PXMP4: variants seen among roughly 807,000 people sequenced by gnomAD.
PXMP4 encodes peroxisomal membrane protein 4.
In PXMP4, 16 loss-of-function variants were observed where a neutral mutation model predicts 21.6. The observed-to-expected ratio is 0.74, with a 90% CI of 0.50 to 1.13. PXMP4 has a LOEUF of 1.13. Ranked by LOEUF, PXMP4 falls within the 50% of genes most tolerant of loss-of-function variation. The pLI, the probability that PXMP4 is intolerant of heterozygous loss-of-function variation, is 0.00. For synonymous variants in PXMP4, 127 were observed against 123.8 expected (o/e 1.03, Z -0.17); for missense variants, 240 against 277.7 (o/e 0.86, Z 0.96).
chr20:33,719,806 A>T (rs1303263173), intron 1 of PXMP4, among the ~76,000 whole-genome samples: 1 of 152,170 alleles, frequency 6.6e-6, no homozygotes, highest in Non-Finnish European at 1.5e-5. Context: ...GGTGAACTGA[A>T]CCCAAATGAG....
chr20:33,714,515 TCAACAACAACAACAA>T (rs3838023), intron 2 of PXMP4, among the ~76,000 whole-genome samples, 144 bp downstream of exon 2: 2 of 150,658 alleles, frequency 1.3e-5, no homozygotes, highest in African/African-American at 4.9e-5. Context: ...AGACTCCATC[TCAACAACAACAACAA>T]CAACAACAAC....
At chr20:33,712,403 C>T (rs2018336955) in intron 2 of PXMP4, among the ~76,000 whole-genome samples, 2 of 152,124 alleles carry the variant, frequency 1.3e-5, no homozygotes, top group South Asian at 4.1e-4. Context: ...CTTGGGTGGC[C>T]CTGCTCCCCT....
In PXMP4 at chr20:33,707,448, G is replaced by A. The variant is rs1298057837; in HGVS notation, c.*258C>T. The A allele has an allele frequency of 1.4e-5, 7 of 486,720 alleles. No homozygotes were observed. Among genetic ancestry groups the A allele is most frequent in the Non-Finnish European group, 2.2e-5 (6 of 271,996 alleles). 30.2% of individuals were successfully genotyped at this position (486,720 alleles called of 1,614,324 possible). A position where few individuals can be genotyped will look rare whatever the true frequency, so the allele number is the denominator to read the frequency against. On this transcript the variant is annotated 3_prime_UTR_variant, in exon 4 of 4. Transcript: ENST00000409299. ...TGACCCCTGAGGCCTAGAGAGTAGTGTGGCTGGCCCCAGTCTCACAGAAGT... is the reference window on the plus strand; with the variant it reads ...TGACCCCTGAGGCCTAGAGAGTAGTATGGCTGGCCCCAGTCTCACAGAAGT...
At position 33,707,683 on chromosome 20, in the gene PXMP4, C is replaced by T. The variant is rs2018272662; in HGVS notation, c.*23G>A. On this transcript the variant is annotated 3_prime_UTR_variant, in exon 4 of 4. Transcript: ENST00000409299. Reference sequence around the variant, plus strand: ...CTGCATGGGGCCAAATCTTGAGCCACAGCCAGACACCTCAGGGCTGCATTA... The same window carrying T: ...CTGCATGGGGCCAAATCTTGAGCCATAGCCAGACACCTCAGGGCTGCATTA... 1 of 1,606,926 alleles carries T rather than the reference C, an allele frequency of 6.2e-7. No individual in the cohort carries two copies. The highest frequency in any genetic ancestry group is 1.3e-5 in the African/African-American group (1 of 74,780).
In PXMP4 at chr20:33,719,183, A is replaced by G. The variant is rs1033375951; in HGVS notation, c.113+912T>C. ...AGTGCTAGGATTACAGGTGTGAGCC[A>G]CCGTGGCCAGCCTGTGCTAAGCATT... On this transcript the variant is annotated intron_variant, in intron 1 of 3. Transcript: ENST00000409299. Among the ~76,000 whole-genome samples the G allele has an allele frequency of 2.6e-5, 4 of 152,242 alleles. No individual in the cohort carries two copies. In the South Asian group the frequency reaches 8.3e-4, roughly 32 times the overall value.
At chr20:33,718,337 T>C (rs73622539) in intron 1 of PXMP4, among the ~76,000 whole-genome samples, 2 of 151,608 alleles carry the variant, frequency 1.3e-5, no homozygotes, top group African/African-American at 2.4e-5. Context: ...GGTGAAACCC[T>C]GTCTCTACTA....
At chr20:33,714,039 G>A (rs1373872436) in intron 2 of PXMP4, among the ~76,000 whole-genome samples, 2 of 152,356 alleles carry the variant, frequency 1.3e-5, no homozygotes, top group South Asian at 2.1e-4. Flanking sequence ...GGGGTGCTGC[G>A]TGAGCAGATG....
rs1060683 is a variant in PXMP4, at chr20:33,707,587, G to A, written c.*119C>T. On this transcript the variant is annotated 3_prime_UTR_variant, in exon 4 of 4. Coordinates refer to ENST00000409299, the MANE Select transcript of PXMP4 (RefSeq NM_007238.5). ...AATCAGTGTTTTTACTTCAGCAAAC[G>A]GAACCCTGGGATAACACCAGTTGGA... is the stretch of plus-strand genomic sequence containing the variant. The A allele has an allele frequency of 2.5e-3, 3,461 of 1,391,592 alleles. 80 individuals are homozygous for A. The African/African-American group carries it at 0.043, about 17-fold the overall frequency. 86.2% of individuals were successfully genotyped at this position (1,391,592 alleles called of 1,614,324 possible).
In PXMP4 at chr20:33,707,811, C is replaced by T. The variant is rs766624753; in HGVS notation, c.534G>A (p.Leu178=). ...TCATGGAGGACTGCAGCGAGGGCTG[C>T]AGGGTGGATCGGTGATACTCAAAGA... ...LWLFEYHRST[L]QPSLQSSMTY... Residue 178 remains leucine, a synonymous_variant, in exon 4 of 4, where the codon CTG becomes CTA. Transcript: ENST00000409299. 5.0e-6 allele frequency: 8 copies of T among 1,614,060 alleles called. No homozygotes were observed. Among genetic ancestry groups the T allele is most frequent in the Non-Finnish European group, 5.9e-6 (7 of 1,180,040 alleles).
chr20:33,709,388 A>T (rs1391177474), intron 3 of PXMP4, among the ~76,000 whole-genome samples: 1 of 152,208 alleles, frequency 6.6e-6, no homozygotes, highest in African/African-American at 2.4e-5. Context: ...ACCCAGAAAA[A>T]GGACAAGTCA....
intron 2 of PXMP4, among the ~76,000 whole-genome samples, chr20:33,711,817 C>T (rs1380417314): frequency 6.6e-6 from 1 of 151,918 alleles, no homozygotes; most frequent in Non-Finnish European, 1.5e-5. Flanking sequence ...CATAATGAGA[C>T]CTCGTCTCTA....
In PXMP4 at chr20:33,710,636, C is replaced by A; in HGVS notation, c.294G>T (p.Lys98Asn). The A allele has an allele frequency of 6.2e-7, 1 of 1,613,984 alleles. No individual in the cohort carries two copies. Among genetic ancestry groups the A allele is most frequent in the Admixed American group, 1.7e-5 (1 of 60,002 alleles). ...LRALQSYIQGKTYPAHAFLAA... is the reference protein window; with the variant it reads ...LRALQSYIQGNTYPAHAFLAA... ...CCAGGAATGCGTGTGCTGGGTAGGT[C>A]TTGCCTTGTATGTAGGACTGCAGGG... is the stretch of plus-strand genomic sequence containing the variant. Residue 98 changes from lysine (K) to asparagine (N), a missense_variant, in exon 3 of 4, where the codon AAG (lysine) becomes AAT (asparagine). Physicochemically the swap from Lys to Asn is moderately conservative, Grantham distance 94 (BLOSUM62 0). Transcript: ENST00000409299.
intron 1 of PXMP4, among the ~76,000 whole-genome samples, chr20:33,717,588 C>A (rs540162322): frequency 3.6e-5 from 5 of 137,092 alleles, no homozygotes; most frequent in Admixed American, 7.8e-5. Flanking sequence ...TGCAGTGAGC[C>A]GAGATCGCGC....
intron 1 of PXMP4, among the ~76,000 whole-genome samples, chr20:33,716,336 T>C (rs1236917142): frequency 6.6e-6 from 1 of 152,196 alleles, no homozygotes; most frequent in African/African-American, 2.4e-5. Flanking sequence ...AGCCACACTG[T>C]CCTTCCTGGA....
In PXMP4 at chr20:33,706,203, G is replaced by A. The variant is rs1459745941; in HGVS notation, c.*1503C>T. The A allele has an allele frequency of 6.6e-6, 1 of 152,088 alleles. No homozygotes were observed. Among genetic ancestry groups the A allele is most frequent in the African/African-American group, 2.4e-5 (1 of 41,428 alleles). The allele number at this position is 152,088 out of a possible 1,614,324, so 9.4% of individuals were successfully genotyped here. On this transcript the variant is annotated 3_prime_UTR_variant, in exon 4 of 4. Coordinates refer to ENST00000409299, the MANE Select transcript of PXMP4 (RefSeq NM_007238.5). ...AGCCTCCCAAAGTGCTGGGATTACA[G>A]GCGTGAGCCACTGCACCTGGCCTGA...
In PXMP4 at chr20:33,705,349, C is replaced by G. The variant is rs548201051; in HGVS notation, c.*2357G>C. The G allele has an allele frequency of 6.6e-6, 1 of 151,172 alleles. No individual in the cohort carries two copies. The highest frequency in any genetic ancestry group is 1.5e-5 in the Non-Finnish European group (1 of 67,734). The allele number at this position is 151,172 out of a possible 1,614,324, so 9.4% of individuals were successfully genotyped here. On this transcript the variant is annotated 3_prime_UTR_variant, in exon 4 of 4. Transcript: ENST00000409299. ...AGGCATGGTGGCTCACACCTGTAAT[C>G]CCAGCATTTTGGGAGGCCAAGGTGG...
chr20:33,714,516 C>T lies in PXMP4; in HGVS notation c.176+158G>A, dbSNP rs185136102. Among the ~76,000 whole-genome samples the T allele has an allele frequency of 1.2e-3, 134 of 108,280 alleles. 2 individuals are homozygous for T. The highest frequency in any genetic ancestry group is 0.011 in the Middle Eastern group (2 of 184). The allele number at this position is 108,280 out of a possible 152,430, so 71.0% of individuals were successfully genotyped here. On this transcript the variant is annotated intron_variant, in intron 2 of 3. Coordinates refer to ENST00000409299, the MANE Select transcript of PXMP4 (RefSeq NM_007238.5). Reference sequence around the variant, plus strand: ...TGGGTGACAGAGAGAGACTCCATCTCAACAACAACAACAACAACAACAACA... The same window carrying T: ...TGGGTGACAGAGAGAGACTCCATCTTAACAACAACAACAACAACAACAACA...
rs1433570486 is a variant in PXMP4 at position 33,720,214 on chromosome 20, G to A, written c.-7C>T. The A allele has an allele frequency of 6.2e-7, 1 of 1,606,672 alleles. No homozygotes were observed. Among genetic ancestry groups the A allele is most frequent in the Non-Finnish European group, 8.5e-7 (1 of 1,176,628 alleles). On this transcript the variant is annotated 5_prime_UTR_variant, in exon 1 of 4. Coordinates refer to ENST00000409299, the MANE Select transcript of PXMP4 (RefSeq NM_007238.5). ...GCTGCGGCGGGGCTGCCATAGTGCG[G>A]GCTGCGCGCAGGGTCGGGGTTAGGA...
chr20:33,719,057 G>A (rs376423593), intron 1 of PXMP4, among the ~76,000 whole-genome samples: 5 of 152,196 alleles, frequency 3.3e-5, no homozygotes, highest in South Asian at 4.1e-4. Context: ...CACTACACCC[G>A]GCTAATTTTT....
Sources: allele counts gnomAD v4.1 joint callset (sites outside exome capture counted in the v4.1 genomes callset), GRCh38; gene constraint gnomAD v4.1.1; transcripts MANE v1.5; gene names NCBI Gene and HGNC (gene_info 2026-07-23, HGNC 2026-07-21).